The following NCOA2 variants were observed in gnomAD, a reference collection of about 807,000 sequenced individuals.
NCOA2 encodes class E basic helix-loop-helix protein 75.
A neutral mutation model predicts 145.1 loss-of-function variants in NCOA2; 21 were observed. The ratio of observed to expected loss-of-function variants is 0.14; its 90% confidence interval spans 0.10 to 0.21. The LOEUF (loss-of-function observed/expected upper bound fraction) is 0.21. NCOA2 is among the 10% of genes least tolerant of loss of function. The probability of loss-of-function intolerance (pLI) is 1.00; values close to 1 mark genes in which losing one functional copy is unlikely to be tolerated. For missense variants in NCOA2, 1,472 were observed against 1,837.6 expected, an observed-to-expected ratio of 0.80 and a Z score of 3.64; for synonymous variants, 619 against 637.5, an observed-to-expected ratio of 0.97 and a Z score of 0.44.
upstream of NCOA2, among the ~76,000 whole-genome samples, chr8:70,405,033 A>G (rs906251920): frequency 6.6e-6 from 1 of 152,222 alleles, no homozygotes; most frequent in Non-Finnish European, 1.5e-5. Flanking sequence ...TGATGTATAT[A>G]TGCTATAGGC....
intron 1 of NCOA2, among the ~76,000 whole-genome samples, chr8:70,380,666 CACTATTATT>C (rs1323596717): frequency 6.6e-6 from 1 of 152,016 alleles, no homozygotes; most frequent in African/African-American, 2.4e-5. Flanking sequence ...AGCCTAATTG[CACTATTATT>C]ACGCTACCAC....
At chr8:70,416,179 G>A in the NCOA2 span, among the ~76,000 whole-genome samples, 1 of 149,332 alleles carries the variant, frequency 6.7e-6, no homozygotes, top group Admixed American at 6.7e-5. Flanking sequence ...CCTTCTTGGG[G>A]GACCTCAGTT....
chr8:70,184,865 G>A (rs561479626), intron 4 of NCOA2, among the ~76,000 whole-genome samples: 97 of 152,236 alleles, frequency 6.4e-4, no homozygotes, highest in Admixed American at 4.1e-3. Context: ...TCAAGGCTTC[G>A]AAAGGACTGA....
At chr8:70,229,150 A>C (rs995016331) in intron 2 of NCOA2, among the ~76,000 whole-genome samples, 10 of 152,196 alleles carry the variant, frequency 6.6e-5, no homozygotes, top group African/African-American at 9.7e-5. Flanking sequence ...TTAACTTAAA[A>C]ATCTATTTGC....
At chr8:70,353,921 C>A (rs1050769845) in intron 1 of NCOA2, among the ~76,000 whole-genome samples, 2 of 152,064 alleles carry the variant, frequency 1.3e-5, no homozygotes, top group Non-Finnish European at 2.9e-5. Flanking sequence ...ATAATTTACC[C>A]AATAAAACTA....
rs150484043 is a variant in NCOA2 at position 70,237,900 on chromosome 8, G to T, written c.-19-21136C>A. 1.0e-3 allele frequency among the ~76,000 whole-genome samples: 155 copies of T among 152,134 alleles called. 4 individuals carry two copies. Among genetic ancestry groups the T allele is most frequent in the Admixed American group, 8.0e-3 (123 of 15,286 alleles). On this transcript the variant is annotated intron_variant, in intron 2 of 22. Coordinates refer to ENST00000452400, the MANE Select transcript of NCOA2 (RefSeq NM_006540.4). ...TGAAAAAAAAAATTAACTGTGTGAC[G>T]TTCTAAGTAAGGGAAACCAAAGATG...
At chr8:70,210,275 G>A (rs1377138986) in intron 4 of NCOA2, among the ~76,000 whole-genome samples, 1 of 152,184 alleles carries the variant, frequency 6.6e-6, no homozygotes, top group African/African-American at 2.4e-5. Context: ...CACACAGTAA[G>A]AACTATTTAG....
At chr8:70,168,039 A>C (rs1028154157) in intron 6 of NCOA2, among the ~76,000 whole-genome samples, 1 of 152,162 alleles carries the variant, frequency 6.6e-6, no homozygotes, top group Admixed American at 6.5e-5. Context: ...ACAGGAGATC[A>C]AAAAAAGGGT....
At chr8:70,341,700 G>C (rs2136477110) in intron 1 of NCOA2, among the ~76,000 whole-genome samples, 1 of 152,216 alleles carries the variant, frequency 6.6e-6, no homozygotes, top group Admixed American at 6.5e-5. Flanking sequence ...TTACTGTCTT[G>C]TTTATACTCT....
intron 2 of NCOA2, among the ~76,000 whole-genome samples, chr8:70,228,904 G>C (rs1310920661): frequency 2.0e-5 from 3 of 152,156 alleles, no homozygotes; most frequent in Non-Finnish European, 2.9e-5. Flanking sequence ...AGAATGACGT[G>C]GAGAAAACTA....
chr8:70,147,423 C>A (rs893107667), intron 12 of NCOA2, among the ~76,000 whole-genome samples: 1 of 152,146 alleles, frequency 6.6e-6, no homozygotes, highest in Admixed American at 6.5e-5. Flanking sequence ...AGAACAAATG[C>A]CAGGTATTGG....
intron 2 of NCOA2, among the ~76,000 whole-genome samples, chr8:70,222,546 G>A (rs1820244076): frequency 6.6e-6 from 1 of 152,170 alleles, no homozygotes; most frequent in South Asian, 2.1e-4. Context: ...ATATTAGACA[G>A]TAACTAGAAG....
At chr8:70,189,463 C>T (rs568794832) in intron 4 of NCOA2, among the ~76,000 whole-genome samples, 1 of 152,318 alleles carries the variant, frequency 6.6e-6, no homozygotes, top group East Asian at 1.9e-4. Flanking sequence ...TATCTCTATT[C>T]ACCATGCAAC....
chr8:70,188,830 T>G (rs749619206), intron 4 of NCOA2, among the ~76,000 whole-genome samples: 23 of 152,194 alleles, frequency 1.5e-4, no homozygotes, highest in Non-Finnish European at 3.2e-4. Flanking sequence ...TTAAAATTAT[T>G]TTGTGACATT....
intron 1 of NCOA2, among the ~76,000 whole-genome samples, chr8:70,392,371 A>G (rs1384621277): frequency 6.6e-6 from 1 of 152,254 alleles, no homozygotes; most frequent in Non-Finnish European, 1.5e-5. Flanking sequence ...AAATGAATAA[A>G]TGACAGACAG....
intron 1 of NCOA2, among the ~76,000 whole-genome samples, chr8:70,356,891 A>T (rs531580493): frequency 6.6e-6 from 1 of 152,204 alleles, no homozygotes; most frequent in Non-Finnish European, 1.5e-5. Flanking sequence ...GAACATCATT[A>T]ATCTAGATTA....
chr8:70,316,891 T>A (rs899144969), intron 1 of NCOA2, among the ~76,000 whole-genome samples: 5 of 152,154 alleles, frequency 3.3e-5, no homozygotes, highest in Non-Finnish European at 7.3e-5. Context: ...CCGAGACCCA[T>A]GGGGAATGCA....
At chr8:70,378,372 T>C (rs1811871463) in intron 1 of NCOA2, among the ~76,000 whole-genome samples, 1 of 152,122 alleles carries the variant, frequency 6.6e-6, no homozygotes, top group African/African-American at 2.4e-5. Flanking sequence ...TGACAGATGC[T>C]TGGCTCTAAA....
intron 4 of NCOA2, among the ~76,000 whole-genome samples, chr8:70,179,944 A>G (rs1815287553): frequency 6.6e-6 from 1 of 151,934 alleles, no homozygotes; most frequent in Non-Finnish European, 1.5e-5. Context: ...ATTTTATTAA[A>G]TTTTTGTTTT....
Sources: gnomAD v4.1 joint callset for allele counts (sites outside exome capture counted in the v4.1 genomes callset) on GRCh38, gnomAD v4.1.1 for gene constraint, MANE v1.5 for transcripts, NCBI Gene and HGNC (gene_info 2026-07-23, HGNC 2026-07-21) for gene names.